TDRD6: variants seen among roughly 807,000 people sequenced by gnomAD.
The protein encoded by TDRD6 is tudor domain-containing protein 6.
A neutral mutation model predicts 157.5 loss-of-function variants in TDRD6; 186 were observed. That is an observed-to-expected ratio of 1.18 (90% CI 1.05 to 1.33). TDRD6 has a LOEUF of 1.33. Ranked by LOEUF, TDRD6 falls within the 40% of genes most tolerant of loss-of-function variation. The probability of loss-of-function intolerance (pLI) is 0.00; values close to 1 mark genes in which losing one functional copy is unlikely to be tolerated. For missense variants in TDRD6, 3,066 were observed against 2,508.0 expected (o/e 1.22, Z -4.75); for synonymous variants, 1,075 against 945.2 (o/e 1.14, Z -2.52).
chr6:46,690,976 T>C lies in TDRD6; in HGVS notation c.2848T>C (p.Phe950Leu). Residue 950 changes from phenylalanine to leucine, a missense_variant, in exon 1 of 4, where the codon TTC becomes CTC. Transcript: ENST00000316081. ...LLTPFQSACH[F>L]LVEKRLARPV... ...AACCCCCTTTCAGAGTGCATGCCAT[T>C]TCTTGGTAGAAAAGAGACTTGCAAG... 1 of 1,614,152 alleles carries C rather than the reference T, an allele frequency of 6.2e-7. No homozygotes were observed. The highest frequency in any genetic ancestry group is 8.5e-7 in the Non-Finnish European group (1 of 1,179,998).
chr6:46,688,803 G>A lies in TDRD6; in HGVS notation c.675G>A (p.Pro225=). The change falls in exon 1 of 4, where the codon CCG becomes CCA. Residue 225 remains proline (P), a synonymous_variant. Coordinates refer to ENST00000316081, the MANE Select transcript of TDRD6 (RefSeq NM_001010870.3). ...AATASVGSGV[P]VLSRVPLKQK... ...CTGCTAGCGTGGGCTCCGGGGTCCC[G>A]GTTCTCTCGCGAGTCCCGCTCAAGC... 2.5e-6 allele frequency: 4 copies of A among 1,611,428 alleles called. No individual in the cohort carries two copies. Among genetic ancestry groups the A allele is most frequent in the Non-Finnish European group, 3.4e-6 (4 of 1,179,800 alleles).
chr6:46,688,476 C>G lies in TDRD6; in HGVS notation c.348C>G (p.Arg116=). ...TAGAGSLAPG[R]REFFNLPSEV... Reference sequence around the variant, plus strand: ...GAGCAGGCTCGCTGGCGCCTGGGCGCAGAGAGTTCTTCAATTTGCCCTCGG... The same window carrying G: ...GAGCAGGCTCGCTGGCGCCTGGGCGGAGAGAGTTCTTCAATTTGCCCTCGG... The change falls in exon 1 of 4, where the codon CGC becomes CGG. Residue 116 remains arginine (R), a synonymous_variant. Transcript: ENST00000316081. 2 of 1,549,146 alleles carry G rather than the reference C, an allele frequency of 1.3e-6. No individual in the cohort carries two copies. Among genetic ancestry groups the G allele is most frequent in the Non-Finnish European group, 1.7e-6 (2 of 1,149,798 alleles).
rs756203551 is a variant in TDRD6, at chr6:46,693,885, G to C, written c.5757G>C (p.Lys1919Asn). 4 of 1,614,196 alleles carry C rather than the reference G, an allele frequency of 2.5e-6. No homozygotes were observed. Among genetic ancestry groups the C allele is most frequent in the Non-Finnish European group, 2.5e-6 (3 of 1,180,024 alleles). The change falls in exon 1 of 4, where the codon AAG becomes AAC. Residue 1919 changes from lysine (K) to asparagine (N), a missense_variant. Physicochemically the swap from Lys to Asn is moderately conservative, Grantham distance 94. Coordinates refer to ENST00000316081, the MANE Select transcript of TDRD6 (RefSeq NM_001010870.3). ...CAGCCCAGCTGCCTTTAGATGACAA[G>C]ATGGATCCTTTGTCTTTAGGAGTTA... ...LPTAQLPLDD[K>N]MDPLSLGVSQ...
chr6:46,696,393 C>T (rs746968026), intron 2 of TDRD6, among the ~76,000 whole-genome samples: 2 of 148,032 alleles, frequency 1.4e-5, no homozygotes, highest in African/African-American at 5.0e-5. Context: ...TATTAGGGAG[C>T]CTGTTGATCG....
Position 46,690,878 on chromosome 6 carries a change from A to T in TDRD6, c.2750A>T (p.Asn917Ile). ...TTTATAGATAATGCATGGCAAAAAA[A>T]TCTAGAATTAAAATGTACAATATTT... is the stretch of plus-strand genomic sequence containing the variant. ...NEFIDNAWQK[N>I]LELKCTIFAL... Residue 917 changes from asparagine (N) to isoleucine (I), a missense_variant, in exon 1 of 4, where the codon AAT becomes ATT. Asn to Ile is a moderately radical substitution (Grantham distance 149). Transcript: ENST00000316081. The T allele has an allele frequency of 6.2e-7, 1 of 1,613,660 alleles. No individual in the cohort carries two copies. Among genetic ancestry groups the T allele is most frequent in the South Asian group, 1.1e-5 (1 of 90,972 alleles).
chr6:46,688,191 G>A lies in TDRD6; in HGVS notation c.63G>A (p.Val21=), dbSNP rs988355883. The A allele has an allele frequency of 6.5e-7, 1 of 1,549,846 alleles. No individual in the cohort carries two copies. The highest frequency in any genetic ancestry group is 8.7e-7 in the Non-Finnish European group (1 of 1,153,988). The change falls in exon 1 of 4, where the codon GTG becomes GTA. Residue 21 remains valine (V), a synonymous_variant. Coordinates refer to ENST00000316081, the MANE Select transcript of TDRD6 (RefSeq NM_001010870.3). ...CGCTGGCCCTGCGGGTGTCCTTCGT[G>A]GACGTGCATCCCGATGTGATCCCGG... is the stretch of plus-strand genomic sequence containing the variant. ...GASLALRVSF[V]DVHPDVIPVQ...
At position 46,692,132 on chromosome 6, in the gene TDRD6, C is replaced by A; in HGVS notation, c.4004C>A (p.Ser1335Ter). 1 of 1,613,860 alleles carries A rather than the reference C, an allele frequency of 6.2e-7. No homozygotes were observed. Among genetic ancestry groups the A allele is most frequent in the Non-Finnish European group, 8.5e-7 (1 of 1,179,896 alleles). The change falls in exon 1 of 4, where the codon TCA (serine) becomes TAA (stop). Residue 1335 changes from serine to a stop codon, truncating the protein, a stop_gained. Coordinates refer to ENST00000316081, the MANE Select transcript of TDRD6 (RefSeq NM_001010870.3). LOFTEE classifies it high-confidence loss of function. ...IEDEAEISHL[S>*]ERLNSVKTRP... Reference sequence around the variant, plus strand: ...GATGAAGCTGAAATTAGTCATCTTTCAGAGAGATTAAACAGTGTTAAAACA... The same window carrying A: ...GATGAAGCTGAAATTAGTCATCTTTAAGAGAGATTAAACAGTGTTAAAACA...
upstream of TDRD6, chr6:46,687,765 G>A (rs1052160179): frequency 2.3e-5 from 5 of 213,552 alleles, no homozygotes; most frequent in Non-Finnish European, 3.7e-5. Context: ...TCCCACCTCG[G>A]GGTCTCCTGA....
At position 46,693,944 on chromosome 6, in the gene TDRD6, A is replaced by T; in HGVS notation, c.5816A>T (p.Asp1939Val). ...QKAQESMCTE[D>V]MRKSSCVESF... ...GCACAGGAATCCATGTGTACTGAGGACATGAGAAAGTCAAGTTGTGTAGAA... is the reference window on the plus strand; with the variant it reads ...GCACAGGAATCCATGTGTACTGAGGTCATGAGAAAGTCAAGTTGTGTAGAA... Residue 1939 changes from aspartate to valine, a missense_variant, in exon 1 of 4, where the codon GAC (aspartate) becomes GTC (valine). By Grantham distance (152) the Asp-to-Val change is radical. Transcript: ENST00000316081. 6.2e-7 allele frequency: 1 copy of T among 1,613,828 alleles called. No homozygotes were observed. The highest frequency in any genetic ancestry group is 1.1e-5 in the South Asian group (1 of 91,032).
upstream of TDRD6, among the ~76,000 whole-genome samples, chr6:46,687,100 C>T (rs923727541): frequency 6.6e-6 from 1 of 152,196 alleles, no homozygotes; most frequent in Admixed American, 6.5e-5. Flanking sequence ...TTCTAGTTTG[C>T]CTGCACTTTT....
upstream of TDRD6, among the ~76,000 whole-genome samples, chr6:46,685,657 C>T (rs1258178761): frequency 6.6e-6 from 1 of 151,894 alleles, no homozygotes; most frequent in Non-Finnish European, 1.5e-5. Context: ...AGGAGAAATA[C>T]CTAATGTAGA....
At chr6:46,684,612 C>A (rs545907971), upstream of TDRD6, among the ~76,000 whole-genome samples, 1 of 152,162 alleles carries the variant, frequency 6.6e-6, no homozygotes, top group African/African-American at 2.4e-5. Flanking sequence ...CAGTATGTAA[C>A]CTTTTACTAT....
At chr6:46,685,982 A>C (rs1764081825), upstream of TDRD6, among the ~76,000 whole-genome samples, 1 of 152,186 alleles carries the variant, frequency 6.6e-6, no homozygotes, top group African/African-American at 2.4e-5. Flanking sequence ...AGAACAAACT[A>C]ATGCTACCTG....
chr6:46,692,418 T>G lies in TDRD6; in HGVS notation c.4290T>G (p.Asn1430Lys), dbSNP rs184612034. Residue 1430 changes from asparagine to lysine, a missense_variant, in exon 1 of 4, where the codon AAT becomes AAG. By Grantham distance (94) the Asn-to-Lys change is moderately conservative (BLOSUM62 0). Transcript: ENST00000316081. ...LQGFEVPDNKNSKKMMHYFSQ... is the reference protein window; with the variant it reads ...LQGFEVPDNKKSKKMMHYFSQ... ...GATTTGAGGTTCCTGACAATAAAAA[T>G]TCTAAGAAAATGATGCATTACTTTT... The G allele has an allele frequency of 1.9e-5, 31 of 1,614,144 alleles. No homozygotes were observed. In the East Asian group the frequency reaches 6.2e-4, roughly 32 times the overall value.
upstream of TDRD6, among the ~76,000 whole-genome samples, chr6:46,683,694 T>C (rs903966784): frequency 6.6e-6 from 1 of 151,786 alleles, no homozygotes; most frequent in African/African-American, 2.4e-5. Context: ...TTTTTAAGTT[T>C]TAATTTCATT....
At chr6:46,694,412 G>A (rs1207099453) in intron 1 of TDRD6, among the ~76,000 whole-genome samples, 2 of 151,852 alleles carry the variant, frequency 1.3e-5, no homozygotes, top group African/African-American at 4.8e-5. Context: ...ATGTTATCCA[G>A]GTTGGTCTCA....
At chr6:46,696,833 G>A (rs543351884) in intron 2 of TDRD6, among the ~76,000 whole-genome samples, 2 of 150,852 alleles carry the variant, frequency 1.3e-5, no homozygotes, top group South Asian at 2.1e-4. Context: ...GGATGGTCTC[G>A]ATCTCCTGAC....
Position 46,689,025 on chromosome 6 carries a change from C to A in TDRD6, c.897C>A (p.Thr299=). The A allele has an allele frequency of 6.2e-7, 1 of 1,613,912 alleles. No homozygotes were observed. The change falls in exon 1 of 4, where the codon ACC becomes ACA. Residue 299 remains threonine, a synonymous_variant. Coordinates refer to ENST00000316081, the MANE Select transcript of TDRD6 (RefSeq NM_001010870.3). ...GSTGTGDENS[T]SATWEEREES... ...CGGGGACAGGGGATGAGAACTCTAC[C>A]AGTGCCACCTGGGAGGAGAGGGAGG...
At chr6:46,694,849 A>G (rs1297407366) in intron 1 of TDRD6, among the ~76,000 whole-genome samples, 1 of 152,174 alleles carries the variant, frequency 6.6e-6, no homozygotes, top group Non-Finnish European at 1.5e-5. Flanking sequence ...ACAGGCATTA[A>G]TTTACACTAA....
Sources: allele counts gnomAD v4.1 joint callset (sites outside exome capture counted in the v4.1 genomes callset), GRCh38; gene constraint gnomAD v4.1.1; transcripts MANE v1.5; gene names NCBI Gene and HGNC (gene_info 2026-07-23, HGNC 2026-07-21).